Variants in FAM163B observed in about 807,000 individuals in gnomAD.
FAM163B encodes the protein protein FAM163B.
In FAM163B, 4 loss-of-function variants were observed where a neutral mutation model predicts 7.6. The observed-to-expected ratio is 0.52, with a 90% CI of 0.26 to 1.20. The LOEUF (loss-of-function observed/expected upper bound fraction) is 1.20. FAM163B is among the 50% of genes most tolerant of loss of function. The probability of loss-of-function intolerance (pLI) is 0.14; values close to 1 mark genes in which losing one functional copy is unlikely to be tolerated. For missense variants in FAM163B, 250 were observed against 243.0 expected, an observed-to-expected ratio of 1.03 and a Z score of -0.19; for synonymous variants, 120 against 111.6, an observed-to-expected ratio of 1.07 and a Z score of -0.47.
intron 1 of FAM163B, among the ~76,000 whole-genome samples, chr9:133,594,313 C>A (rs1831599768): frequency 6.6e-6 from 1 of 152,200 alleles, no homozygotes; most frequent in Non-Finnish European, 1.5e-5. Context: ...ACATTTCTGG[C>A]CTCACCTGCA....
At position 133,600,385 on chromosome 9, in the gene FAM163B, C is replaced by T. The variant is rs574268514; in HGVS notation, c.-24+8692G>A. The stretch of plus-strand genomic sequence containing the variant: ...TCCCAAAGAGACTGGCTGGCCCACA[C>T]GGCAGCCGGGGCAGGGGCGTGTGCC... On this transcript the variant is annotated intron_variant, in intron 1 of 2. Coordinates refer to ENST00000673969, the MANE Select transcript of FAM163B (RefSeq NM_001080515.3). The surrounding 1 kb of genome is among the most constrained non-coding windows in gnomAD (Gnocchi z 4.9). Among the ~76,000 whole-genome samples the T allele has an allele frequency of 1.0e-3, 155 of 152,226 alleles. 1 individual carries two copies. The highest frequency in any genetic ancestry group is 2.0e-3 in the Non-Finnish European group (137 of 67,982).
intron 1 of FAM163B, among the ~76,000 whole-genome samples, chr9:133,593,090 C>T (rs914881768): frequency 2.6e-5 from 4 of 152,206 alleles, no homozygotes; most frequent in African/African-American, 7.2e-5. Flanking sequence ...GAAGCAGAGC[C>T]GCCCTCTCAT....
intron 1 of FAM163B, among the ~76,000 whole-genome samples, chr9:133,591,560 A>C (rs1427778934): frequency 6.6e-6 from 1 of 152,042 alleles, no homozygotes; most frequent in Non-Finnish European, 1.5e-5. Flanking sequence ...CGTCCCTCAC[A>C]TTGGGCTTAC....
intron 1 of FAM163B, among the ~76,000 whole-genome samples, chr9:133,598,017 C>T (rs761599937): frequency 5.3e-5 from 8 of 151,998 alleles, no homozygotes; most frequent in Non-Finnish European, 8.8e-5. Context: ...GGACCTACCA[C>T]TGTGGATTCT....
rs1352558551 is a variant in FAM163B, at chr9:133,601,680, T to C, written c.-24+7397A>G. ...AGGATGTTTTGCTGGTTTTGAATGT[T>C]TTGAGTGAAGACCCTGATGGGAAAC... On this transcript the variant is annotated intron_variant, in intron 1 of 2. Coordinates refer to ENST00000673969, the MANE Select transcript of FAM163B (RefSeq NM_001080515.3). This position sits in a 1 kb window ranked among gnomAD's most constrained non-coding sequence, Gnocchi z 4.1. Among the ~76,000 whole-genome samples the C allele has an allele frequency of 6.6e-6, 1 of 152,218 alleles. No individual in the cohort carries two copies. The highest frequency in any genetic ancestry group is 2.4e-5 in the African/African-American group (1 of 41,448).
chr9:133,599,547 A>T (rs2318357), intron 1 of FAM163B, among the ~76,000 whole-genome samples: 34,278 of 149,068 alleles, frequency 0.23, 4,235 homozygotes, highest in East Asian at 0.33. Context: ...GCATGTGTTG[A>T]GTGTGTGCAT....
chr9:133,577,942 C>T lies in FAM163B; in HGVS notation c.*1080G>A, dbSNP rs1429261738. Among the ~76,000 whole-genome samples, 2 of 152,112 alleles carry T rather than the reference C, an allele frequency of 1.3e-5. No individual in the cohort carries two copies. The highest frequency in any genetic ancestry group is 2.4e-5 in the African/African-American group (1 of 41,408). On this transcript the variant is annotated 3_prime_UTR_variant, in exon 3 of 3. Coordinates refer to ENST00000673969, the MANE Select transcript of FAM163B (RefSeq NM_001080515.3). ...CAGTAGGCTCTGGCTGCTTGGGGTC[C>T]ACCAGGAGCTGGGCCAGGCCTCCTA... is the stretch of plus-strand genomic sequence containing the variant.
intron 1 of FAM163B, among the ~76,000 whole-genome samples, chr9:133,598,061 C>T (rs1254652324): frequency 6.6e-6 from 1 of 151,944 alleles, no homozygotes; most frequent in Non-Finnish European, 1.5e-5. Context: ...CCAACCTGAG[C>T]CATGGTGACA....
intron 1 of FAM163B, among the ~76,000 whole-genome samples, chr9:133,591,927 G>C (rs755462312): frequency 4.6e-5 from 7 of 152,182 alleles, no homozygotes; most frequent in Non-Finnish European, 1.0e-4. Context: ...CACCCCCGCT[G>C]TCCTCTCCTT....
At chr9:133,596,036 G>A (rs551028917) in intron 1 of FAM163B, among the ~76,000 whole-genome samples, 3 of 152,248 alleles carry the variant, frequency 2.0e-5, no homozygotes, top group African/African-American at 7.2e-5. Context: ...GGCTGCGGGT[G>A]CAAGGCAGGC....
rs978421100 is a variant in FAM163B at position 133,577,672 on chromosome 9, G to T, written c.*1350C>A. Reference sequence around the variant, plus strand: ...TCCATGGCAGGGCACAAAAGGAGAGGCAGAGCCCCAGAGAGGGAAGGGGGC... The same window carrying T: ...TCCATGGCAGGGCACAAAAGGAGAGTCAGAGCCCCAGAGAGGGAAGGGGGC... On this transcript the variant is annotated 3_prime_UTR_variant, in exon 3 of 3. Transcript: ENST00000673969. Among the ~76,000 whole-genome samples the T allele has an allele frequency of 2.6e-5, 4 of 152,370 alleles. No homozygotes were observed. In the East Asian group the frequency reaches 7.7e-4, roughly 29 times the overall value.
At chr9:133,588,560 T>A (rs1588325777) in intron 1 of FAM163B, among the ~76,000 whole-genome samples, 1 of 182 alleles carries the variant, frequency 5.5e-3, no homozygotes. Context: ...GGATCTAGCA[T>A]GTTGAGGGAT....
rs1184890133 is a variant in FAM163B at position 133,609,280 on chromosome 9, C to T, written c.-227G>A. Among the ~76,000 whole-genome samples the T allele has an allele frequency of 1.3e-5, 2 of 150,324 alleles. No individual in the cohort carries two copies. The highest frequency in any genetic ancestry group is 3.0e-5 in the Non-Finnish European group (2 of 67,332). ...CCGGGGAGGCGACTGCGTGCCCAGGCGGGCACCCCTGCCAGCTCCGCGCTG... is the reference window on the plus strand; with the variant it reads ...CCGGGGAGGCGACTGCGTGCCCAGGTGGGCACCCCTGCCAGCTCCGCGCTG... On this transcript the variant is annotated 5_prime_UTR_variant, in exon 1 of 3. Transcript: ENST00000673969.
intron 1 of FAM163B, among the ~76,000 whole-genome samples, chr9:133,589,646 G>A (rs1228028233): frequency 3.9e-5 from 6 of 151,982 alleles, no homozygotes; most frequent in Admixed American, 3.3e-4. Flanking sequence ...ACAGTAGGGC[G>A]GCATTGGTGC....
chr9:133,591,838 C>T (rs964375375), intron 1 of FAM163B, among the ~76,000 whole-genome samples: 5 of 152,180 alleles, frequency 3.3e-5, no homozygotes, highest in African/African-American at 7.2e-5. Context: ...TCCGTGTGGC[C>T]TCTGCCTCAG....
chr9:133,602,082 C>A (rs528107673), intron 1 of FAM163B, among the ~76,000 whole-genome samples: 1 of 152,068 alleles, frequency 6.6e-6, no homozygotes, highest in East Asian at 1.9e-4. Flanking sequence ...GCCCCCCGCC[C>A]CCCCAAACAC....
At position 133,600,068 on chromosome 9, in the gene FAM163B, C is replaced by G. The variant is rs564393807; in HGVS notation, c.-24+9009G>C. ...GTGGATGTGTGTGAGTTTGTGTGTG[C>G]ATGTGTGTGTGTCTGTGTGCATGTG... On this transcript the variant is annotated intron_variant, in intron 1 of 2. Transcript: ENST00000673969. The surrounding 1 kb of genome is among the most constrained non-coding windows in gnomAD (Gnocchi z 4.9). Among the ~76,000 whole-genome samples, 58 of 132,244 alleles carry G rather than the reference C, an allele frequency of 4.4e-4. No homozygotes were observed. Among genetic ancestry groups the G allele is most frequent in the Middle Eastern group, 5.7e-3 (1 of 174 alleles). The allele number at this position is 132,244 out of a possible 152,430, so 86.8% of individuals were successfully genotyped here.
chr9:133,602,111 C>G (rs948435703), intron 1 of FAM163B, among the ~76,000 whole-genome samples: 7 of 149,212 alleles, frequency 4.7e-5, no homozygotes, highest in Non-Finnish European at 8.9e-5. Context: ...AGAGCTTTAG[C>G]ATTGCCGCAG....
chr9:133,583,979 G>A (rs1831395008), intron 1 of FAM163B, among the ~76,000 whole-genome samples: 3 of 152,120 alleles, frequency 2.0e-5, no homozygotes, highest in East Asian at 1.9e-4. Context: ...CCAAAAACAC[G>A]GCCTCCCTGG....
Sources: gnomAD v4.1 joint callset for allele counts (sites outside exome capture counted in the v4.1 genomes callset) on GRCh38, gnomAD v4.1.1 for gene constraint, Gnocchi (gnomAD v3.1) non-coding constraint, MANE v1.5 for transcripts, NCBI Gene and HGNC (gene_info 2026-07-23, HGNC 2026-07-21) for gene names.